C1QTNF3: variants seen among roughly 807,000 people sequenced by gnomAD.
C1QTNF3 encodes C1q and TNF related 3.
A neutral mutation model predicts 32.6 loss-of-function variants in C1QTNF3; 26 were observed. The observed-to-expected ratio is 0.80, with a 90% CI of 0.58 to 1.11. C1QTNF3 has a LOEUF of 1.11. Among genes scored for constraint, C1QTNF3 ranks in the 50% least tolerant of loss-of-function variants. The pLI is 0.00. For synonymous variants in C1QTNF3, 155 were observed against 146.0 expected, an observed-to-expected ratio of 1.06 and a Z score of -0.44; for missense variants, 362 against 398.2, an observed-to-expected ratio of 0.91 and a Z score of 0.77.
chr5:34,212,537 T>C, the C1QTNF3 span, among the ~76,000 whole-genome samples: 1 of 151,604 alleles, frequency 6.6e-6, no homozygotes, highest in Admixed American at 6.6e-5. Context: ...GAATCTACAA[T>C]GAACTCAAAC....
At chr5:34,126,700 ATCAGAGATG>A in the C1QTNF3 span, among the ~76,000 whole-genome samples, 14 of 150,388 alleles carry the variant, frequency 9.3e-5, no homozygotes, top group African/African-American at 3.2e-4. Flanking sequence ...CCAAGTGTCC[ATCAGAGATG>A]AATGAATAAA....
chr5:34,211,578 T>A, the C1QTNF3 span, among the ~76,000 whole-genome samples: 4 of 131,660 alleles, frequency 3.0e-5, no homozygotes. Flanking sequence ...AGTGTGATGT[T>A]CCCCTTCCTG....
chr5:34,091,602 C>T, the C1QTNF3 span, among the ~76,000 whole-genome samples: 3 of 152,244 alleles, frequency 2.0e-5, no homozygotes, highest in East Asian at 1.9e-4. Context: ...TATCCTCTAT[C>T]GTTACATGGC....
At chr5:34,137,497 G>A in the C1QTNF3 span, among the ~76,000 whole-genome samples, 1 of 152,218 alleles carries the variant, frequency 6.6e-6, no homozygotes, top group South Asian at 2.1e-4. Flanking sequence ...AGGTCTCCCA[G>A]AGAATATCAC....
the C1QTNF3 span, among the ~76,000 whole-genome samples, chr5:34,171,404 A>G: frequency 1.3e-5 from 2 of 151,736 alleles, no homozygotes; most frequent in African/African-American, 4.8e-5. Flanking sequence ...AATTCCTGAA[A>G]TTAAATACTA....
the C1QTNF3 span, among the ~76,000 whole-genome samples, chr5:34,099,182 T>C: frequency 2.6e-5 from 4 of 152,092 alleles, no homozygotes; most frequent in African/African-American, 9.7e-5. Context: ...GAAATTACTG[T>C]TTTGAAATGA....
chr5:34,082,648 T>C, the C1QTNF3 span, among the ~76,000 whole-genome samples: 1 of 151,724 alleles, frequency 6.6e-6, no homozygotes, highest in Admixed American at 6.6e-5. Flanking sequence ...GTACTGTAGA[T>C]TTCAGGATCA....
At chr5:34,235,062 A>C in the C1QTNF3 span, among the ~76,000 whole-genome samples, 2 of 152,046 alleles carry the variant, frequency 1.3e-5, no homozygotes, top group African/African-American at 4.8e-5. Flanking sequence ...CCCAACACAC[A>C]TATGCTTCTC....
chr5:34,137,362 C>T, the C1QTNF3 span, among the ~76,000 whole-genome samples: 4 of 152,188 alleles, frequency 2.6e-5, no homozygotes, highest in Admixed American at 2.0e-4. Flanking sequence ...CTTCAATAGT[C>T]ATGAAAATGT....
At chr5:34,235,500 A>C in the C1QTNF3 span, among the ~76,000 whole-genome samples, 1 of 147,618 alleles carries the variant, frequency 6.8e-6, no homozygotes, top group African/African-American at 2.5e-5. Context: ...TAGCAACTCA[A>C]CTCTATCCAC....
the C1QTNF3 span, among the ~76,000 whole-genome samples, chr5:34,195,756 C>A: frequency 2.0e-5 from 3 of 152,064 alleles, no homozygotes; most frequent in Non-Finnish European, 4.4e-5. Flanking sequence ...AGGAGAATGG[C>A]GTGAACCCAG....
chr5:34,243,027 A>G, the C1QTNF3 span, among the ~76,000 whole-genome samples: 129,291 of 146,122 alleles, frequency 0.88, 58,822 homozygotes, highest in Non-Finnish European at 0.99. Context: ...AATGCATGCT[A>G]GGCTTAATAC....
At chr5:34,206,960 A>G in the C1QTNF3 span, among the ~76,000 whole-genome samples, 2 of 152,352 alleles carry the variant, frequency 1.3e-5, no homozygotes, top group South Asian at 2.1e-4. Flanking sequence ...GTGAGCCCCC[A>G]AAGTGTGTTC....
the C1QTNF3 span, among the ~76,000 whole-genome samples, chr5:34,059,731 G>A: frequency 6.6e-6 from 1 of 152,140 alleles, no homozygotes; most frequent in Non-Finnish European, 1.5e-5. Context: ...AGTCCATAAA[G>A]ACCTTATCTC....
chr5:34,023,765 G>A, intron 5 of C1QTNF3, 144 bp downstream of exon 5: 1 of 560,866 alleles, frequency 1.8e-6, no homozygotes, highest in Non-Finnish European at 3.2e-6. Flanking sequence ...ATGATAATGT[G>A]GCCATACTGG....
chr5:34,159,302 G>C, the C1QTNF3 span, among the ~76,000 whole-genome samples: 1 of 151,976 alleles, frequency 6.6e-6, no homozygotes, highest in Admixed American at 6.5e-5. Flanking sequence ...ACTCATTCCA[G>C]AGGAATGAGA....
chr5:34,217,938 A>G, the C1QTNF3 span, among the ~76,000 whole-genome samples: 2 of 151,992 alleles, frequency 1.3e-5, no homozygotes, highest in Non-Finnish European at 2.9e-5. Context: ...AAGAAATAAT[A>G]ATACACACTA....
chr5:34,038,856 C>T (rs183273926), intron 1 of C1QTNF3, among the ~76,000 whole-genome samples: 168 of 152,226 alleles, frequency 1.1e-3, no homozygotes, highest in African/African-American at 3.9e-3. Flanking sequence ...GAGGGCTCCA[C>T]CTGACCGGGA....
the C1QTNF3 span, among the ~76,000 whole-genome samples, chr5:34,103,187 A>G: frequency 6.6e-6 from 1 of 152,162 alleles, no homozygotes; most frequent in African/African-American, 2.4e-5. Context: ...TTGACTTTCT[A>G]TTCCTGTGTT....
Sources: allele counts gnomAD v4.1 joint callset (sites outside exome capture counted in the v4.1 genomes callset), GRCh38; gene constraint gnomAD v4.1.1; transcripts MANE v1.5; gene names NCBI Gene and HGNC (gene_info 2026-07-23, HGNC 2026-07-21).